The following PTPRD variants were observed in gnomAD, a reference collection of about 807,000 sequenced individuals.
PTPRD encodes receptor-type tyrosine-protein phosphatase delta.
PTPRD carries 34 observed loss-of-function variants against 214.5 expected under a neutral mutation model. The observed-to-expected ratio is 0.16, with a 90% CI of 0.12 to 0.21. The LOEUF is 0.21. PTPRD is among the 10% of genes least tolerant of loss of function. PTPRD has a pLI of 1.00. For missense variants in PTPRD, 2,545 were observed against 2,398.7 expected, an observed-to-expected ratio of 1.06 and a Z score of -1.27; for synonymous variants, 1,128 against 845.7, an observed-to-expected ratio of 1.33 and a Z score of -5.79.
intron 6 of PTPRD, among the ~76,000 whole-genome samples, chr9:9,763,352 C>T (rs1174581): frequency 0.79 from 120,805 of 152,046 alleles, 48,785 homozygotes; most frequent in African/African-American, 0.95. Flanking sequence ...ACATCAAATA[C>T]ATGACTGAGT....
chr9:9,193,777 A>C (rs2099936657), intron 9 of PTPRD, among the ~76,000 whole-genome samples: 1 of 152,118 alleles, frequency 6.6e-6, no homozygotes, highest in Non-Finnish European at 1.5e-5. Context: ...TGAGCGAGTG[A>C]TGAGTGAATG....
chr9:9,339,814 G>A (rs1301015201), intron 9 of PTPRD, among the ~76,000 whole-genome samples: 1 of 152,108 alleles, frequency 6.6e-6, no homozygotes, highest in East Asian at 1.9e-4. Flanking sequence ...TATAGCAATG[G>A]AACATCATGG....
chr9:10,146,220 TATCC>T (rs143864822), intron 3 of PTPRD, among the ~76,000 whole-genome samples: 22 of 149,612 alleles, frequency 1.5e-4, no homozygotes, highest in South Asian at 4.3e-4. Flanking sequence ...CATACTATTC[TATCC>T]ATCCATCCAT....
intron 5 of PTPRD, among the ~76,000 whole-genome samples, chr9:9,779,444 A>G (rs540822293): frequency 6.6e-6 from 1 of 152,314 alleles, no homozygotes; most frequent in Non-Finnish European, 1.5e-5. Context: ...AAATATTCAC[A>G]ACCTATGCAT....
rs1031299188 is a variant in PTPRD at position 9,905,244 on chromosome 9, A to T, written c.-368+33263T>A. 2.0e-5 allele frequency among the ~76,000 whole-genome samples: 3 copies of T among 151,982 alleles called. No homozygotes were observed. In the South Asian group the frequency reaches 6.2e-4, roughly 31 times the overall value. ...TCTGTAGCTCCTCATTTACTTTGCA[A>T]ACATATAGTCACCCTAAATTCAGTT... On this transcript the variant is annotated intron_variant, in intron 5 of 45. Transcript: ENST00000381196.
intron 10 of PTPRD, among the ~76,000 whole-genome samples, chr9:9,061,890 A>C (rs1017638310): frequency 6.6e-6 from 1 of 152,108 alleles, no homozygotes; most frequent in East Asian, 1.9e-4. Flanking sequence ...CTTCAAACAG[A>C]ATCCCTGGCA....
At chr9:8,363,773 C>A (rs781537811) in intron 39 of PTPRD, among the ~76,000 whole-genome samples, 8 of 152,064 alleles carry the variant, frequency 5.3e-5, no homozygotes, top group Non-Finnish European at 1.0e-4. Flanking sequence ...GACAGACAGC[C>A]CCCACCCCCA....
chr9:10,052,592 C>T (rs1361649739), intron 3 of PTPRD, among the ~76,000 whole-genome samples: 1 of 152,164 alleles, frequency 6.6e-6, no homozygotes, highest in Admixed American at 6.6e-5. Context: ...TCTGAAAACA[C>T]ATGAGATGGT....
At chr9:9,043,924 TAAAATAAAATAAAATAAAATA>T (rs2099657333) in intron 10 of PTPRD, among the ~76,000 whole-genome samples, 1 of 87,602 alleles carries the variant, frequency 1.1e-5, no homozygotes, top group Non-Finnish European at 2.5e-5. Context: ...TAAAATAAAA[TAAAATAAAATAAAATAAAATA>T]AAATAAAATA....
chr9:10,331,183 G>A (rs1184423565), intron 3 of PTPRD, among the ~76,000 whole-genome samples: 1 of 151,868 alleles, frequency 6.6e-6, no homozygotes, highest in Non-Finnish European at 1.5e-5. Flanking sequence ...TAGTGATCTT[G>A]CTTCTCACCA....
At chr9:9,553,231 T>C (rs1470443932) in intron 8 of PTPRD, among the ~76,000 whole-genome samples, 1 of 152,102 alleles carries the variant, frequency 6.6e-6, no homozygotes, top group Non-Finnish European at 1.5e-5. Flanking sequence ...CCTATAAATA[T>C]GTTTCTGAGA....
chr9:9,211,802 C>T (rs1221899301), intron 9 of PTPRD, among the ~76,000 whole-genome samples: 1 of 145,134 alleles, frequency 6.9e-6, no homozygotes, highest in African/African-American at 2.6e-5. Flanking sequence ...GAAACTGGTA[C>T]TATTTTTTTT....
chr9:9,481,241 G>C (rs959899448), intron 8 of PTPRD, among the ~76,000 whole-genome samples: 2 of 152,074 alleles, frequency 1.3e-5, no homozygotes, highest in Non-Finnish European at 2.9e-5. Flanking sequence ...AATCAGACTT[G>C]GTGAGGTAGA....
chr9:9,247,702 C>T (rs1350883617), intron 9 of PTPRD, among the ~76,000 whole-genome samples: 1 of 152,070 alleles, frequency 6.6e-6, no homozygotes, highest in African/African-American at 2.4e-5. Flanking sequence ...CAGGGAGTCA[C>T]CTCTTCTGAC....
intron 7 of PTPRD, among the ~76,000 whole-genome samples, chr9:9,654,566 C>T (rs927340250): frequency 8.5e-5 from 13 of 152,126 alleles, no homozygotes; most frequent in South Asian, 2.1e-4. Flanking sequence ...AGCACCTGAA[C>T]ATTACAAATC....
chr9:9,644,632 A>G (rs2096083565), intron 7 of PTPRD, among the ~76,000 whole-genome samples: 4 of 152,184 alleles, frequency 2.6e-5, no homozygotes, highest in African/African-American at 9.7e-5. Flanking sequence ...TTCCCCAGCA[A>G]AGGCCCTGGC....
intron 12 of PTPRD, among the ~76,000 whole-genome samples, chr9:8,726,582 A>G (rs2098563207): frequency 4.6e-5 from 1 of 21,760 alleles, no homozygotes; most frequent in Non-Finnish European, 8.4e-5. Flanking sequence ...AAAAAAAAAA[A>G]AAAAAAATAT....
At chr9:9,165,108 C>A (rs1294737525) in intron 10 of PTPRD, among the ~76,000 whole-genome samples, 1 of 150,344 alleles carries the variant, frequency 6.7e-6, no homozygotes, top group Admixed American at 6.6e-5. Flanking sequence ...TAAAAAAATT[C>A]ATTCAATAAA....
intron 11 of PTPRD, among the ~76,000 whole-genome samples, chr9:9,006,248 T>C (rs537913940): frequency 1.3e-5 from 2 of 152,120 alleles, no homozygotes; most frequent in Admixed American, 6.6e-5. Flanking sequence ...TCTATTATTC[T>C]AGGTCCTCCT....
Sources: gnomAD v4.1 joint callset for allele counts (sites outside exome capture counted in the v4.1 genomes callset) on GRCh38, gnomAD v4.1.1 for gene constraint, MANE v1.5 for transcripts, NCBI Gene and HGNC (gene_info 2026-07-23, HGNC 2026-07-21) for gene names.